Variants in CENPF observed in about 807,000 individuals in gnomAD.
The protein encoded by CENPF is centromere protein F, also known as AH antigen.
Under a neutral mutation model 307.3 loss-of-function variants are expected in CENPF, and 214 were observed. The ratio of observed to expected loss-of-function variants is 0.70; its 90% CI spans 0.62 to 0.78. The LOEUF is 0.78. CENPF is among the 30% of genes least tolerant of loss of function. The probability of loss-of-function intolerance (pLI) is 0.00; values close to 1 mark genes in which losing one functional copy is unlikely to be tolerated. For synonymous variants in CENPF, 1,259 were observed against 1,270.6 expected (o/e 0.99, Z 0.19); for missense variants, 3,401 against 3,483.9 (o/e 0.98, Z 0.60).
chr1:214,652,327 G>A lies in CENPF; in HGVS notation c.8160+441G>A, dbSNP rs573406377. On this transcript the variant is annotated intron_variant, in intron 15 of 19. Coordinates refer to ENST00000366955, the MANE Select transcript of CENPF (RefSeq NM_016343.4). ...TGGGATTACAGGCGTGAGCCACTGC[G>A]CCTGGCCCGGTTGATTTTTTAAAAA... Among the ~76,000 whole-genome samples, 28 of 151,700 alleles carry A rather than the reference G, an allele frequency of 1.8e-4. No individual in the cohort carries two copies. In the South Asian group the frequency reaches 3.8e-3, roughly 20 times the overall value.
chr1:214,643,455 A>T (rs553928047), intron 12 of CENPF, 131 bp downstream of exon 12: 1 of 785,982 alleles, frequency 1.3e-6, no homozygotes, highest in African/African-American at 1.8e-5. Flanking sequence ...AATAAAATAC[A>T]CCAAAATATT....
chr1:214,629,182 T>C lies in CENPF; in HGVS notation c.1194+11T>C. 1 of 1,598,690 alleles carries C rather than the reference T, an allele frequency of 6.3e-7. No individual in the cohort carries two copies. Among genetic ancestry groups the C allele is most frequent in the African/African-American group, 1.4e-5 (1 of 73,834 alleles). On this transcript the variant is annotated intron_variant, in intron 8 of 19. Transcript: ENST00000366955. ...AAGGAGTTTCAAGAGGTAAGGTAAATGGATTCATGAGGTGTTTGTCTGAAA... is the reference window on the plus strand; with the variant it reads ...AAGGAGTTTCAAGAGGTAAGGTAAACGGATTCATGAGGTGTTTGTCTGAAA...
intron 7 of CENPF, among the ~76,000 whole-genome samples, chr1:214,623,269 C>G (rs1451071954): frequency 6.6e-6 from 1 of 152,100 alleles, no homozygotes; most frequent in Non-Finnish European, 1.5e-5. Flanking sequence ...GTCATTATTT[C>G]CTAAACAAAT....
chr1:214,642,813 ACTC>A lies in CENPF; in HGVS notation c.4481_4483del (p.Ser1494del), dbSNP rs944567305. On this transcript the variant is annotated inframe_deletion, in exon 12 of 20. Coordinates refer to ENST00000366955, the MANE Select transcript of CENPF (RefSeq NM_016343.4). ...AGCTCTAGTCTTAGCAGTTTGGGAG[ACTC>A]CTCCTTTTACAGAGCTCTTTTAGAA... is the stretch of plus-strand genomic sequence containing the variant. 3.1e-6 allele frequency: 5 copies of A among 1,613,152 alleles called. No homozygotes were observed. Among genetic ancestry groups the A allele is most frequent in the African/African-American group, 1.3e-5 (1 of 74,612 alleles).
chr1:214,609,936 C>G (rs1439661531), intron 1 of CENPF, among the ~76,000 whole-genome samples: 1 of 151,248 alleles, frequency 6.6e-6, no homozygotes, highest in Non-Finnish European at 1.5e-5. Context: ...TTTATCCAAT[C>G]TGTCACTGAT....
chr1:214,627,178 G>T (rs1205423437), intron 7 of CENPF, among the ~76,000 whole-genome samples: 4 of 151,638 alleles, frequency 2.6e-5, no homozygotes, highest in Admixed American at 2.0e-4. Flanking sequence ...TTCCACCTCA[G>T]CCTCCCTAGT....
Position 214,613,850 on chromosome 1 carries a change from G to A in CENPF, c.96G>A (p.Lys32=), listed in dbSNP as rs752608184. The change falls in exon 2 of 20, where the codon AAG becomes AAA. Residue 32 remains lysine, a synonymous_variant. Coordinates refer to ENST00000366955, the MANE Select transcript of CENPF (RefSeq NM_016343.4). Reference sequence around the variant, plus strand: ...AAGGACAGCTTGACAAACTGAAGAAGGAAAAGCAGCAAAGGCAGTTTCAGC... The same window carrying A: ...AAGGACAGCTTGACAAACTGAAGAAAGAAAAGCAGCAAAGGCAGTTTCAGC... ...ELEGQLDKLK[K]EKQQRQFQLD... 2 of 1,613,864 alleles carry A rather than the reference G, an allele frequency of 1.2e-6. No homozygotes were observed. Among genetic ancestry groups the A allele is most frequent in the South Asian group, 2.2e-5 (2 of 91,034 alleles).
chr1:214,618,391 G>A (rs1214685960), intron 3 of CENPF, among the ~76,000 whole-genome samples, 182 bp from the exon 4 acceptor site: 2 of 152,202 alleles, frequency 1.3e-5, no homozygotes, highest in African/African-American at 4.8e-5. Flanking sequence ...ACACAGGACT[G>A]GGTTTATGTC....
chr1:214,640,888 A>G lies in CENPF; in HGVS notation c.2550A>G (p.Gln850=). 1 of 1,605,632 alleles carries G rather than the reference A, an allele frequency of 6.2e-7. No homozygotes were observed. Among genetic ancestry groups the G allele is most frequent in the Non-Finnish European group, 8.5e-7 (1 of 1,177,936 alleles). Residue 850 remains glutamine (Q), a synonymous_variant, in exon 12 of 20, where the codon CAA becomes CAG. Coordinates refer to ENST00000366955, the MANE Select transcript of CENPF (RefSeq NM_016343.4). ...ESQKQMNSDL[Q]KQCEELVQIK... ...AAAAACAGATGAACTCAGACCTGCA[A>G]AAGCAGTGTGAAGAGTTGGTGCAAA...
At position 214,648,755 on chromosome 1, in the gene CENPF, A is replaced by G; in HGVS notation, c.7911A>G (p.Glu2637=). 1 of 1,614,130 alleles carries G rather than the reference A, an allele frequency of 6.2e-7. No homozygotes were observed. Among genetic ancestry groups the G allele is most frequent in the Non-Finnish European group, 8.5e-7 (1 of 1,179,966 alleles). ...CACAGAAAACAGCAGAGCTGCAAGA[A>G]GAACTCAGTGGAGAGAAAAATAGGC... ...EMAQKTAELQ[E]ELSGEKNRLA... is the part of the protein sequence containing the mutation. The change falls in exon 14 of 20, where the codon GAA becomes GAG. Residue 2637 remains glutamate (E), a synonymous_variant. Coordinates refer to ENST00000366955, the MANE Select transcript of CENPF (RefSeq NM_016343.4).
At chr1:214,617,033 T>C (rs1010031704) in intron 3 of CENPF, among the ~76,000 whole-genome samples, 1 of 148,216 alleles carries the variant, frequency 6.7e-6, no homozygotes, top group Non-Finnish European at 1.5e-5. Flanking sequence ...TCTCTTTCTT[T>C]CTTTCTTCTT....
chr1:214,605,497 C>G lies in CENPF; in HGVS notation c.-42+2176C>G, dbSNP rs550008782. ...AATTTCTGTTTTCACGTATTTTCTTCTTGCTTCCAAAAGGAAAGGAGTGCG... is the reference window on the plus strand; with the variant it reads ...AATTTCTGTTTTCACGTATTTTCTTGTTGCTTCCAAAAGGAAAGGAGTGCG... On this transcript the variant is annotated intron_variant, in intron 1 of 19. Coordinates refer to ENST00000366955, the MANE Select transcript of CENPF (RefSeq NM_016343.4). The G allele has an allele frequency of 2.0e-5, 9 of 441,800 alleles. No individual in the cohort carries two copies. In the South Asian group the frequency reaches 4.0e-4, roughly 20 times the overall value. The allele number at this position is 441,800 out of a possible 1,614,324, so 27.4% of individuals were successfully genotyped here. A position where few individuals can be genotyped will look rare whatever the true frequency, so the allele number is the denominator to read the frequency against.
At chr1:214,636,386 G>A (rs1197314744) in intron 10 of CENPF, among the ~76,000 whole-genome samples, 1 of 152,196 alleles carries the variant, frequency 6.6e-6, no homozygotes, top group Non-Finnish European at 1.5e-5. Flanking sequence ...CTTGAGATCG[G>A]TTGGAGCTGC....
intron 13 of CENPF, among the ~76,000 whole-genome samples, chr1:214,647,761 A>G (rs1213031244): frequency 1.3e-5 from 2 of 152,174 alleles, no homozygotes; most frequent in African/African-American, 2.4e-5. Flanking sequence ...ACTCACTGCT[A>G]TAGAGAGTAT....
intron 10 of CENPF, among the ~76,000 whole-genome samples, chr1:214,636,569 C>T (rs1313387960): frequency 1.3e-5 from 2 of 152,190 alleles, no homozygotes; most frequent in African/African-American, 4.8e-5. Context: ...TTTTCAAGTA[C>T]TTTCTACTAG....
At chr1:214,613,513 T>G in intron 1 of CENPF, 1 of 330,790 alleles carries the variant, frequency 3.0e-6, no homozygotes, top group South Asian at 1.0e-4. Context: ...AAAGGGAAAC[T>G]AAGCAGGACA....
intron 3 of CENPF, among the ~76,000 whole-genome samples, chr1:214,617,643 CA>C (rs2102534949): frequency 6.6e-6 from 1 of 152,262 alleles, no homozygotes; most frequent in South Asian, 2.1e-4. Context: ...TTTCTAGATG[CA>C]TTATATTGAT....
rs1450589886 is a variant in CENPF at position 214,640,343 on chromosome 1, G to T, written c.2005G>T (p.Glu669Ter). 1 of 1,613,926 alleles carries T rather than the reference G, an allele frequency of 6.2e-7. No individual in the cohort carries two copies. ...ATACAACGAGAGAGTAAGAACGCTG[G>T]AGATGGACAGAGAAAACCTAAGTGT... is the stretch of plus-strand genomic sequence containing the variant. ...HEYNERVRTL[E>*]MDRENLSVEI... Residue 669 changes from glutamate (E) to a stop codon, truncating the protein, a stop_gained, in exon 12 of 20, where the codon GAG becomes TAG. Transcript: ENST00000366955. LOFTEE classifies it high-confidence loss of function.
chr1:214,649,851 G>A lies in CENPF; in HGVS notation c.7983+1024G>A, dbSNP rs568081532. Among the ~76,000 whole-genome samples the A allele has an allele frequency of 2.0e-5, 3 of 152,322 alleles. 1 individual carries two copies. Among genetic ancestry groups the A allele is most frequent in the African/African-American group, 4.8e-5 (2 of 41,576 alleles). ...TTTGGCCTCAGCCCCATACATATGA[G>A]TGTGTTAGTTTGCATTGGCTTTATT... On this transcript the variant is annotated intron_variant, in intron 14 of 19. Transcript: ENST00000366955.
Sources: allele counts gnomAD v4.1 joint callset (sites outside exome capture counted in the v4.1 genomes callset), GRCh38; gene constraint gnomAD v4.1.1; transcripts MANE v1.5; gene names NCBI Gene and HGNC (gene_info 2026-07-23, HGNC 2026-07-21).